The following CLNK variants were observed in gnomAD, a reference collection of about 807,000 sequenced individuals.
The protein encoded by CLNK is cytokine dependent hematopoietic cell linker.
A neutral mutation model predicts 68.6 loss-of-function variants in CLNK; 74 were observed. The observed-to-expected ratio is 1.08, with a 90% CI of 0.89 to 1.31. The LOEUF is 1.31. Among genes scored for constraint, CLNK ranks in the 50% most tolerant of loss-of-function variants. The probability of loss-of-function intolerance (pLI) is 0.00; values close to 1 mark genes in which losing one functional copy is unlikely to be tolerated. For synonymous variants in CLNK, 198 were observed against 172.2 expected, an observed-to-expected ratio of 1.15 and a Z score of -1.17; for missense variants, 553 against 515.3, an observed-to-expected ratio of 1.07 and a Z score of -0.71.
At chr4:10,558,593 G>T in intron 7 of CLNK, 141 bp from the exon 8 acceptor site, 1 of 739,120 alleles carries the variant, frequency 1.4e-6, no homozygotes, top group Non-Finnish European at 2.4e-6. Context: ...ATGGTTGGCT[G>T]TCAACAAACA....
At chr4:10,671,192 C>G (rs376449610) in intron 1 of CLNK, among the ~76,000 whole-genome samples, 1 of 152,026 alleles carries the variant, frequency 6.6e-6, no homozygotes, top group Non-Finnish European at 1.5e-5. Flanking sequence ...TCGAGGCCAG[C>G]CTGGCCAACA....
At chr4:10,632,100 C>T (rs529063960) in intron 2 of CLNK, among the ~76,000 whole-genome samples, 2 of 152,264 alleles carry the variant, frequency 1.3e-5, no homozygotes, top group South Asian at 4.2e-4. Context: ...TTAAAATATC[C>T]AAAACGTAAC....
At chr4:10,588,601 GT>G (rs1398019369) in intron 3 of CLNK, among the ~76,000 whole-genome samples, 2 of 152,112 alleles carry the variant, frequency 1.3e-5, no homozygotes, top group Non-Finnish European at 2.9e-5. Context: ...GTTGTTGTCT[GT>G]TCAACCCATT....
chr4:10,618,805 G>A (rs932844743), intron 2 of CLNK, among the ~76,000 whole-genome samples: 6 of 152,168 alleles, frequency 3.9e-5, no homozygotes, highest in African/African-American at 1.4e-4. Context: ...ACTCAGTCAC[G>A]GTTATGTTAT....
the CLNK span, among the ~76,000 whole-genome samples, chr4:10,733,458 T>C: frequency 1.3e-5 from 2 of 152,234 alleles, no homozygotes; most frequent in Non-Finnish European, 2.9e-5. Flanking sequence ...CTTGGTAAGC[T>C]GGAGAAACTC....
At chr4:10,683,569 G>C (rs932307290) in intron 1 of CLNK, among the ~76,000 whole-genome samples, 1 of 152,110 alleles carries the variant, frequency 6.6e-6, no homozygotes, top group Non-Finnish European at 1.5e-5. Flanking sequence ...ATATTACTTA[G>C]AGAACTCAAG....
intron 2 of CLNK, among the ~76,000 whole-genome samples, chr4:10,643,007 TACAG>T (rs900717099): frequency 6.6e-6 from 1 of 152,148 alleles, no homozygotes; most frequent in African/African-American, 2.4e-5. Flanking sequence ...TACGCACACA[TACAG>T]ACAGACAGAC....
chr4:10,599,306 C>G (rs1440833902), intron 2 of CLNK, among the ~76,000 whole-genome samples: 1 of 152,178 alleles, frequency 6.6e-6, no homozygotes, highest in East Asian at 1.9e-4. Flanking sequence ...CTCTCTTCAT[C>G]TGGGATTTGC....
Position 10,554,037 on chromosome 4 carries a change from C to G in CLNK, c.445+4370G>C, listed in dbSNP as rs149572716. ...AAGGAGGGGCTGGATCGTGGAGATTCTGCTATTTTAAAACTTAACAAAATA... is the reference window on the plus strand; with the variant it reads ...AAGGAGGGGCTGGATCGTGGAGATTGTGCTATTTTAAAACTTAACAAAATA... On this transcript the variant is annotated intron_variant, in intron 8 of 18. Transcript: ENST00000226951. Among the ~76,000 whole-genome samples, 446 of 152,252 alleles carry G rather than the reference C, an allele frequency of 2.9e-3. 1 individual carries two copies. Among genetic ancestry groups the G allele is most frequent in the Non-Finnish European group, 5.2e-3 (355 of 68,016 alleles).
At chr4:10,533,019 AG>A (rs1289139254) in intron 11 of CLNK, among the ~76,000 whole-genome samples, 1 of 152,202 alleles carries the variant, frequency 6.6e-6, no homozygotes, top group African/African-American at 2.4e-5. Context: ...GCACTTTGGG[AG>A]GCTGAGGCAG....
rs1314710810 is a variant in CLNK at position 10,488,899 on chromosome 4, T to C, written c.*1568A>G. ...ATCAATGCTACAATTACATAAATAC[T>C]CTATGAATTTCCTTTGTAAGCTTTG... On this transcript the variant is annotated 3_prime_UTR_variant, in exon 19 of 19. Transcript: ENST00000226951. The C allele has an allele frequency of 2.0e-5, 3 of 152,232 alleles. No individual in the cohort carries two copies. The highest frequency in any genetic ancestry group is 7.2e-5 in the African/African-American group (3 of 41,450). 9.4% of individuals were successfully genotyped at this position (152,232 alleles called of 1,614,324 possible).
the CLNK span, among the ~76,000 whole-genome samples, chr4:10,725,189 CG>C: frequency 6.6e-6 from 1 of 151,894 alleles, no homozygotes; most frequent in Non-Finnish European, 1.5e-5. Context: ...CTGTAGCCCG[CG>C]GGGTGAGATG....
chr4:10,588,707 G>T (rs1721073551), intron 3 of CLNK, among the ~76,000 whole-genome samples: 1 of 151,980 alleles, frequency 6.6e-6, no homozygotes, highest in African/African-American at 2.4e-5. Flanking sequence ...GATGAGGTTG[G>T]ATATAAGTAT....
the CLNK span, chr4:10,697,430 AG>A: frequency 6.6e-6 from 1 of 152,308 alleles, no homozygotes; most frequent in South Asian, 2.1e-4. Context: ...AACTGGGGTC[AG>A]GGTCTCCAGG....
At chr4:10,562,480 A>T (rs949975810) in intron 7 of CLNK, among the ~76,000 whole-genome samples, 1 of 152,114 alleles carries the variant, frequency 6.6e-6, no homozygotes, top group Non-Finnish European at 1.5e-5. Context: ...ATCTCGGCTC[A>T]CTGCAACCTC....
At chr4:10,657,581 G>A (rs1302089497) in intron 2 of CLNK, among the ~76,000 whole-genome samples, 1 of 152,174 alleles carries the variant, frequency 6.6e-6, no homozygotes, top group Non-Finnish European at 1.5e-5. Flanking sequence ...TGCAGATAGA[G>A]TTCTTAGAAA....
intron 2 of CLNK, among the ~76,000 whole-genome samples, chr4:10,644,789 T>C (rs980229656): frequency 4.6e-5 from 7 of 152,244 alleles, no homozygotes; most frequent in African/African-American, 1.7e-4. Flanking sequence ...CAGCAAGAAA[T>C]TGAGTGAAGT....
At chr4:10,712,499 A>G in the CLNK span, among the ~76,000 whole-genome samples, 1 of 152,246 alleles carries the variant, frequency 6.6e-6, no homozygotes, top group African/African-American at 2.4e-5. Context: ...TTAAAAAAGA[A>G]AAGACAATAA....
At chr4:10,490,709 G>T in intron 18 of CLNK, 96 bp from the exon 19 acceptor site, 1 of 954,504 alleles carries the variant, frequency 1.0e-6, no homozygotes. Context: ...ATGGGGAAGA[G>T]GTGAACCAAT....
Sources: gnomAD v4.1 joint callset for allele counts (sites outside exome capture counted in the v4.1 genomes callset) on GRCh38, gnomAD v4.1.1 for gene constraint, MANE v1.5 for transcripts, NCBI Gene and HGNC (gene_info 2026-07-23, HGNC 2026-07-21) for gene names.